CDC123: variants seen among roughly 807,000 people sequenced by gnomAD.
The protein encoded by CDC123 is cell division cycle 123, also known as translation initiation factor eIF2 assembly protein.
In CDC123, 37 loss-of-function variants were observed where a neutral mutation model predicts 54.4. The observed-to-expected ratio is 0.68, with a 90% CI of 0.52 to 0.89. The LOEUF (loss-of-function observed/expected upper bound fraction) is 0.89. Among genes scored for constraint, CDC123 ranks in the 40% least tolerant of loss-of-function variants. The pLI, the probability that CDC123 is intolerant of heterozygous loss-of-function variation, is 0.00. For synonymous variants in CDC123, 144 were observed against 136.8 expected (o/e 1.05, Z -0.37); for missense variants, 361 against 412.1 (o/e 0.88, Z 1.07).
chr10:12,231,625 CAAAAA>C (rs368800002), intron 7 of CDC123, among the ~76,000 whole-genome samples: 2 of 77,302 alleles, frequency 2.6e-5, no homozygotes, highest in Non-Finnish European at 5.0e-5. Context: ...AACTCCGTCT[CAAAAA>C]AAAAAAAAAA....
At chr10:12,242,919 G>T (rs866669069) in intron 10 of CDC123, among the ~76,000 whole-genome samples, 1 of 151,952 alleles carries the variant, frequency 6.6e-6, no homozygotes, top group Non-Finnish European at 1.5e-5. Context: ...TCCAGCCTGG[G>T]CAACAGGGCG....
At chr10:12,210,391 A>C in intron 4 of CDC123, 69 bp downstream of exon 4, 1 of 1,570,190 alleles carries the variant, frequency 6.4e-7, no homozygotes. Context: ...GTCAAGGTTT[A>C]AGTGCATACC....
intron 4 of CDC123, among the ~76,000 whole-genome samples, chr10:12,212,054 C>G: frequency 6.6e-6 from 1 of 152,044 alleles, no homozygotes; most frequent in East Asian, 1.9e-4. Context: ...CGCCACTGCA[C>G]TCCAGCCTGG....
intron 4 of CDC123, among the ~76,000 whole-genome samples, chr10:12,213,396 T>G (rs1209373966): frequency 2.0e-5 from 3 of 151,998 alleles, no homozygotes; most frequent in Non-Finnish European, 4.4e-5. Context: ...CTTTTAGAAA[T>G]TGTATAGAGT....
rs149788088 is a variant in CDC123, at chr10:12,249,688, C to T, written c.954C>T (p.Asp318=). The change falls in exon 12 of 13, where the codon GAC becomes GAT. Residue 318 remains aspartate (D), a synonymous_variant. Coordinates refer to ENST00000281141, the MANE Select transcript of CDC123 (RefSeq NM_006023.3). ...TTGTAGACCTCTCTACTGGGGAGGACGCTCACAAGCTAATAGACTTCCTTA... is the reference window on the plus strand; with the variant it reads ...TTGTAGACCTCTCTACTGGGGAGGATGCTCACAAGCTAATAGACTTCCTTA... ...KDFVDLSTGE[D]AHKLIDFLKL... is the part of the protein sequence containing the mutation. The T allele has an allele frequency of 1.4e-5, 23 of 1,613,716 alleles. No individual in the cohort carries two copies. The East Asian group carries it at 2.5e-4, about 17-fold the overall frequency.
chr10:12,227,122 G>A (rs1015846991), intron 6 of CDC123, among the ~76,000 whole-genome samples: 1 of 152,138 alleles, frequency 6.6e-6, no homozygotes, highest in Non-Finnish European at 1.5e-5. Context: ...CAGGCGTGGC[G>A]GCGTGCGCCT....
chr10:12,210,375 G>T, intron 4 of CDC123, 53 bp downstream of exon 4: 4 of 1,606,820 alleles, frequency 2.5e-6, no homozygotes, highest in Non-Finnish European at 3.4e-6. Context: ...TCACACAAGG[G>T]TTAGCGTCAA....
intron 2 of CDC123, among the ~76,000 whole-genome samples, chr10:12,200,028 A>G (rs1179188992): frequency 1.3e-5 from 2 of 150,078 alleles, no homozygotes; most frequent in Non-Finnish European, 3.0e-5. Context: ...TTACTGTCTT[A>G]GCCAGGATGG....
chr10:12,201,022 C>A (rs949320090), intron 2 of CDC123, among the ~76,000 whole-genome samples: 1 of 152,058 alleles, frequency 6.6e-6, no homozygotes, highest in Non-Finnish European at 1.5e-5. Flanking sequence ...TTGGAGTTGA[C>A]AGTTCAGCTT....
intron 4 of CDC123, among the ~76,000 whole-genome samples, chr10:12,210,739 C>T (rs900027109): frequency 2.6e-5 from 4 of 152,170 alleles, no homozygotes; most frequent in African/African-American, 9.7e-5. Flanking sequence ...CTTGCTCTGT[C>T]GCCCAGGCAG....
intron 8 of CDC123, among the ~76,000 whole-genome samples, chr10:12,236,915 CAA>C (rs1362806218): frequency 4.4e-4 from 67 of 151,804 alleles, no homozygotes; most frequent in Middle Eastern, 3.4e-3. Context: ...CAAAACAAAA[CAA>C]AACAAAAAGT....
At position 12,201,941 on chromosome 10, in the gene CDC123, A is replaced by G. The variant is rs75412290; in HGVS notation, c.146+3165A>G. On this transcript the variant is annotated intron_variant, in intron 2 of 12. Coordinates refer to ENST00000281141, the MANE Select transcript of CDC123 (RefSeq NM_006023.3). ...CAGAACTTGATGACAGGAATGTGTC[A>G]AGAATTCCTCTCAGATTACTAATAG... Among the ~76,000 whole-genome samples the G allele has an allele frequency of 5.4e-3, 826 of 152,326 alleles. 22 individuals are homozygous for G. In the East Asian group the frequency reaches 0.077, roughly 14 times the overall value.
At chr10:12,211,892 TGAG>T (rs1307726883) in intron 4 of CDC123, among the ~76,000 whole-genome samples, 1 of 151,960 alleles carries the variant, frequency 6.6e-6, no homozygotes. Context: ...GTGGATTACT[TGAG>T]GACCAACATG....
intron 11 of CDC123, 41 bp from the exon 12 acceptor site, chr10:12,249,536 AAAAT>A (rs141768859): frequency 0.013 from 20,130 of 1,592,396 alleles, 894 homozygotes; most frequent in South Asian, 0.091. Flanking sequence ...AATAGGCCTA[AAAAT>A]AAATGATTGA....
intron 7 of CDC123, among the ~76,000 whole-genome samples, chr10:12,231,648 T>G (rs188611960): frequency 7.6e-6 from 1 of 132,198 alleles, no homozygotes; most frequent in Non-Finnish European, 1.7e-5. Flanking sequence ...AAAAAAAGAA[T>G]AAGAGGATAG....
intron 2 of CDC123, among the ~76,000 whole-genome samples, chr10:12,202,305 A>G (rs959620919): frequency 3.9e-5 from 6 of 152,142 alleles, no homozygotes; most frequent in East Asian, 1.9e-4. Flanking sequence ...AGAATTTCGT[A>G]TAAGTGGAGT....
intron 4 of CDC123, among the ~76,000 whole-genome samples, chr10:12,214,966 C>T (rs1004992227): frequency 4.6e-5 from 7 of 152,132 alleles, no homozygotes; most frequent in African/African-American, 1.4e-4. Flanking sequence ...ACTTCCCCCT[C>T]TCTTACTTAC....
In CDC123 at chr10:12,226,228, A is replaced by G. The variant is rs537668987; in HGVS notation, c.441-4720A>G. 1.4e-4 allele frequency among the ~76,000 whole-genome samples: 21 copies of G among 152,310 alleles called. No homozygotes were observed. The East Asian group carries it at 3.3e-3, about 24-fold the overall frequency. ...CCCACACTTCCCCCCCTTCCACTCA[A>G]CAAAACCGCCATCGTCATCATGGCC... On this transcript the variant is annotated intron_variant, in intron 6 of 12. Transcript: ENST00000281141.
intron 10 of CDC123, among the ~76,000 whole-genome samples, chr10:12,243,991 C>T (rs1372192904): frequency 6.6e-6 from 1 of 152,134 alleles, no homozygotes; most frequent in Non-Finnish European, 1.5e-5. Flanking sequence ...GGAAACAACT[C>T]AAGCGGTGAG....
Sources: allele counts gnomAD v4.1 joint callset (sites outside exome capture counted in the v4.1 genomes callset), GRCh38; gene constraint gnomAD v4.1.1; transcripts MANE v1.5; gene names NCBI Gene and HGNC (gene_info 2026-07-23, HGNC 2026-07-21).